Variants in NUP210 observed in about 807,000 individuals in gnomAD.
The protein encoded by NUP210 is nucleoporin 210, also known as nuclear pore membrane glycoprotein 210.
Under a neutral mutation model 196.0 loss-of-function variants are expected in NUP210, and 151 were observed. The observed-to-expected ratio is 0.77, with a 90% CI of 0.67 to 0.88. NUP210 has a LOEUF of 0.88. NUP210 is among the 40% of genes least tolerant of loss of function. The pLI is 0.00. For missense variants in NUP210, 2,314 were observed against 2,493.7 expected, an observed-to-expected ratio of 0.93 and a Z score of 1.53; for synonymous variants, 1,070 against 1,052.7, an observed-to-expected ratio of 1.02 and a Z score of -0.32.
intron 5 of NUP210, among the ~76,000 whole-genome samples, chr3:13,387,801 G>C (rs1035592400): frequency 6.6e-6 from 1 of 152,180 alleles, no homozygotes; most frequent in Non-Finnish European, 1.5e-5. Context: ...AGAATGGGAT[G>C]CTGGTGAGGC....
At chr3:13,327,047 C>G (rs1025593598) in intron 32 of NUP210, among the ~76,000 whole-genome samples, 170 bp downstream of exon 32, 2 of 152,252 alleles carry the variant, frequency 1.3e-5, no homozygotes, top group Admixed American at 1.3e-4. Flanking sequence ...AAAACAGGCA[C>G]AGGCTGGATC....
intron 14 of NUP210, among the ~76,000 whole-genome samples, chr3:13,364,432 C>A (rs1300372576): frequency 6.6e-6 from 1 of 152,174 alleles, no homozygotes; most frequent in Non-Finnish European, 1.5e-5. Flanking sequence ...GCTGGGTGAC[C>A]TTGGATACAT....
At chr3:13,380,234 C>T (rs918198680) in intron 6 of NUP210, among the ~76,000 whole-genome samples, 5 of 152,176 alleles carry the variant, frequency 3.3e-5, no homozygotes, top group South Asian at 2.1e-4. Flanking sequence ...ACTTGCCCAA[C>T]GTGGGCTAGG....
At chr3:13,375,971 T>C (rs1698890717) in intron 10 of NUP210, among the ~76,000 whole-genome samples, 1 of 152,212 alleles carries the variant, frequency 6.6e-6, no homozygotes, top group Non-Finnish European at 1.5e-5. Flanking sequence ...AGGCCGACTC[T>C]GGCAGGAGTC....
At chr3:13,318,115 C>T (rs571343113) in intron 39 of NUP210, among the ~76,000 whole-genome samples, 14 of 152,320 alleles carry the variant, frequency 9.2e-5, no homozygotes, top group Non-Finnish European at 1.6e-4. Flanking sequence ...CGGGCAAGAG[C>T]GCCACAGGAA....
intron 8 of NUP210, among the ~76,000 whole-genome samples, chr3:13,377,821 GAGGCCCCACACCACCCACCTGC>G (rs1157545532): frequency 2.0e-4 from 27 of 137,306 alleles, no homozygotes; most frequent in African/African-American, 2.7e-4. Context: ...CACTTACCTG[GAGGCCCCACACCACCCACCTGC>G]AGGCCCCACA....
At chr3:13,377,645 G>A in intron 8 of NUP210, 83 bp from the exon 9 acceptor site, 1 of 991,362 alleles carries the variant, frequency 1.0e-6, no homozygotes, top group East Asian at 2.5e-5. Flanking sequence ...CCTCAGCACA[G>A]GGGCCCTCAG....
At chr3:13,399,265 C>CAAAAAA (rs35136269) in intron 2 of NUP210, among the ~76,000 whole-genome samples, 2 of 65,334 alleles carry the variant, frequency 3.1e-5, no homozygotes, top group Non-Finnish European at 3.1e-5. Context: ...GACTCTGTCT[C>CAAAAAA]AAAAAAAAAA....
In NUP210 at chr3:13,347,019, G is replaced by C. The variant is rs1341198303; in HGVS notation, c.2836-3716C>G. On this transcript the variant is annotated intron_variant, in intron 20 of 39. Transcript: ENST00000254508. This position sits in a 1 kb window ranked among gnomAD's most constrained non-coding sequence, Gnocchi z 4.7. ...GTCCACAGATCAGTCTCAGGGAAAA[G>C]GTGGATGCACCTGACTTCAGGCCCT... 1 of 985,290 alleles carries C rather than the reference G, an allele frequency of 1.0e-6. No individual in the cohort carries two copies. Among genetic ancestry groups the C allele is most frequent in the Non-Finnish European group, 1.2e-6 (1 of 829,914 alleles). The allele number at this position is 985,290 out of a possible 1,614,324, so 61.0% of individuals were successfully genotyped here.
Position 13,348,608 on chromosome 3 carries a change from A to C in NUP210, c.2835+3271T>G, listed in dbSNP as rs150894325. The C allele has an allele frequency of 9.3e-5, 92 of 985,408 alleles. No homozygotes were observed. The African/African-American group carries it at 1.6e-3, about 17-fold the overall frequency. The allele number at this position is 985,408 out of a possible 1,614,324, so 61.0% of individuals were successfully genotyped here. On this transcript the variant is annotated intron_variant, in intron 20 of 39. Transcript: ENST00000254508. The surrounding 1 kb of genome is among the most constrained non-coding windows in gnomAD (Gnocchi z 4.0). ...CGCATGGCTGGAGGAAGAGCTGGGG[A>C]ATTGTTCTTTCTTCTATGAGGGGAT...
chr3:13,368,240 T>C (rs1037987252), intron 13 of NUP210, among the ~76,000 whole-genome samples: 2 of 152,124 alleles, frequency 1.3e-5, no homozygotes, highest in African/African-American at 4.8e-5. Context: ...CACACCAGGA[T>C]AGTTTTTTCA....
In NUP210 at chr3:13,351,879, C is replaced by G; in HGVS notation, c.2835G>C (p.Met945Ile). ...GTGGGGACCGATGGCCCAAGCTTAC[C>G]ATGGCGACACCCCTGGCCTCCTGGT... ...VAYQEARGVAMVHPLLPGSST... is the reference protein window; with the variant it reads ...VAYQEARGVAIVHPLLPGSST... Residue 945 changes from methionine to isoleucine, a missense_variant and splice_region_variant, in exon 20 of 40, where the codon ATG becomes ATC. Transcript: ENST00000254508. 1 of 1,609,156 alleles carries G rather than the reference C, an allele frequency of 6.2e-7. No individual in the cohort carries two copies. Among genetic ancestry groups the G allele is most frequent in the Non-Finnish European group, 8.5e-7 (1 of 1,175,586 alleles).
chr3:13,338,482 G>A (rs1337340814), intron 25 of NUP210, among the ~76,000 whole-genome samples: 3 of 152,198 alleles, frequency 2.0e-5, no homozygotes, highest in Non-Finnish European at 4.4e-5. Flanking sequence ...ACTCTCTGAC[G>A]TGCTCAGGCT....
Position 13,355,773 on chromosome 3 carries a change from G to A in NUP210, c.2329-1666C>T, listed in dbSNP as rs143115477. ...AATATAGAAGCCGGGAGTTTGGGCA[G>A]GGGCTGTAGGGACCTATCCTAGGTG... On this transcript the variant is annotated intron_variant, in intron 16 of 39. Coordinates refer to ENST00000254508, the MANE Select transcript of NUP210 (RefSeq NM_024923.4). 1.6e-4 allele frequency among the ~76,000 whole-genome samples: 24 copies of A among 152,354 alleles called. 1 individual carries two copies. The East Asian group carries it at 4.4e-3, about 28-fold the overall frequency.
chr3:13,380,106 C>T (rs1157081570), intron 6 of NUP210, among the ~76,000 whole-genome samples: 1 of 152,122 alleles, frequency 6.6e-6, no homozygotes, highest in Non-Finnish European at 1.5e-5. Flanking sequence ...AGGGGTTTCC[C>T]AAGAAGCTCT....
In NUP210 at chr3:13,420,017, A is replaced by G. The variant is rs1289200089; in HGVS notation, c.167+43T>C. ...GCCCAGCCTCTCAGCGCGAAGGCCC[A>G]GCCCGGCCCACGGCGCCCGCCCGGC... On this transcript the variant is annotated intron_variant, in intron 1 of 39. Transcript: ENST00000254508. This position sits in a 1 kb window ranked among gnomAD's most constrained non-coding sequence, Gnocchi z 4.8. 7.0e-6 allele frequency: 8 copies of G among 1,146,028 alleles called. No individual in the cohort carries two copies. The highest frequency in any genetic ancestry group is 5.0e-5 in the African/African-American group (3 of 60,284). The allele number at this position is 1,146,028 out of a possible 1,614,324, so 71.0% of individuals were successfully genotyped here.
At chr3:13,417,618 C>T (rs561950855) in intron 1 of NUP210, among the ~76,000 whole-genome samples, 6 of 152,336 alleles carry the variant, frequency 3.9e-5, no homozygotes, top group African/African-American at 1.4e-4. Context: ...ACACTAGGAA[C>T]AGCAATACTA....
chr3:13,349,662 T>C (rs1310991415), intron 20 of NUP210, among the ~76,000 whole-genome samples: 3 of 152,258 alleles, frequency 2.0e-5, no homozygotes, highest in Non-Finnish European at 4.4e-5. Context: ...GGAAAGCAGC[T>C]GGTGCACAGC....
chr3:13,417,461 T>G (rs909430818), intron 1 of NUP210, among the ~76,000 whole-genome samples: 2 of 152,246 alleles, frequency 1.3e-5, no homozygotes, highest in African/African-American at 4.8e-5. Flanking sequence ...ATTCTCATTT[T>G]CTTTTTCGTC....
Sources: gnomAD v4.1 joint callset for allele counts (sites outside exome capture counted in the v4.1 genomes callset) on GRCh38, gnomAD v4.1.1 for gene constraint, Gnocchi (gnomAD v3.1) non-coding constraint, MANE v1.5 for transcripts, NCBI Gene and HGNC (gene_info 2026-07-23, HGNC 2026-07-21) for gene names.